ROBO2: variants seen among roughly 807,000 people sequenced by gnomAD.
ROBO2 encodes roundabout guidance receptor 2.
A neutral mutation model predicts 160.8 loss-of-function variants in ROBO2; 53 were observed. The observed-to-expected ratio is 0.33, with a 90% CI of 0.26 to 0.41. The LOEUF is 0.41. ROBO2 is among the 10% of genes least tolerant of loss of function. The probability of loss-of-function intolerance (pLI) is 1.00; values close to 1 mark genes in which losing one functional copy is unlikely to be tolerated. For synonymous variants in ROBO2, 664 were observed against 611.7 expected (o/e 1.09, Z -1.26); for missense variants, 1,577 against 1,722.4 (o/e 0.92, Z 1.49).
intron 21 of ROBO2, among the ~76,000 whole-genome samples, chr3:77,611,918 A>T (rs1420883780): frequency 6.6e-6 from 1 of 152,212 alleles, no homozygotes; most frequent in Non-Finnish European, 1.5e-5. Context: ...ATTCTATGGT[A>T]ATTAAATTGA....
chr3:75,988,893 C>T (rs2065488686), intron 2 of ROBO2, among the ~76,000 whole-genome samples: 1 of 151,602 alleles, frequency 6.6e-6, no homozygotes, highest in Admixed American at 6.6e-5. Context: ...TTTGTTATGT[C>T]AGTTCTATTT....
At chr3:77,169,814 T>C (rs1485869694) in intron 2 of ROBO2, among the ~76,000 whole-genome samples, 1 of 151,970 alleles carries the variant, frequency 6.6e-6, no homozygotes, top group Admixed American at 6.6e-5. Flanking sequence ...TTCCATAGGG[T>C]TGGGGATTAC....
intron 2 of ROBO2, among the ~76,000 whole-genome samples, chr3:76,274,776 G>T (rs1707820797): frequency 6.6e-6 from 1 of 150,838 alleles, no homozygotes; most frequent in Non-Finnish European, 1.5e-5. Context: ...GGCAGAGGTT[G>T]CAGTGAGCTG....
chr3:76,418,408 TTG>T (rs2108899141), intron 2 of ROBO2, among the ~76,000 whole-genome samples: 1 of 151,092 alleles, frequency 6.6e-6, no homozygotes, highest in Non-Finnish European at 1.5e-5. Context: ...ATCCAGCTAA[TTG>T]TTGTATTTTT....
intron 2 of ROBO2, among the ~76,000 whole-genome samples, chr3:77,140,865 T>A (rs1214138005): frequency 1.3e-5 from 2 of 152,212 alleles, no homozygotes; most frequent in Non-Finnish European, 2.9e-5. Flanking sequence ...ACTCTTCTTT[T>A]TCTTCTTGTT....
intron 2 of ROBO2, among the ~76,000 whole-genome samples, chr3:76,684,085 A>G (rs574576543): frequency 6.6e-6 from 1 of 152,050 alleles, no homozygotes; most frequent in African/African-American, 2.4e-5. Flanking sequence ...ACATCATTAG[A>G]AAGAGAAGAG....
chr3:77,514,638 T>C (rs1414144676), intron 5 of ROBO2, among the ~76,000 whole-genome samples: 1 of 151,874 alleles, frequency 6.6e-6, no homozygotes, highest in Non-Finnish European at 1.5e-5. Context: ...TGCAATTATA[T>C]GTAAAGCCCT....
intron 2 of ROBO2, among the ~76,000 whole-genome samples, chr3:76,310,097 C>T (rs187942598): frequency 5.9e-4 from 90 of 152,102 alleles, no homozygotes; most frequent in African/African-American, 2.1e-3. Flanking sequence ...GCTGGAATTA[C>T]AGATGTGAGC....
chr3:76,303,355 G>GTA (rs2071168701), intron 2 of ROBO2, among the ~76,000 whole-genome samples: 1 of 152,056 alleles, frequency 6.6e-6, no homozygotes, highest in African/African-American at 2.4e-5. Context: ...GTGTGTGTGT[G>GTA]TGTGTATATA....
intron 2 of ROBO2, among the ~76,000 whole-genome samples, chr3:76,408,973 A>G (rs185878216): frequency 1.9e-3 from 285 of 148,822 alleles, no homozygotes; most frequent in South Asian, 4.8e-3. Context: ...GAATTATAAT[A>G]CACTAGGGTG....
chr3:77,415,835 A>C (rs1292778947), intron 2 of ROBO2, among the ~76,000 whole-genome samples: 1 of 152,018 alleles, frequency 6.6e-6, no homozygotes, highest in East Asian at 1.9e-4. Flanking sequence ...ATGTTACATC[A>C]TTTCTGCTGC....
intron 2 of ROBO2, among the ~76,000 whole-genome samples, chr3:76,653,562 T>C (rs2109922601): frequency 6.6e-6 from 1 of 152,138 alleles, no homozygotes; most frequent in East Asian, 1.9e-4. Flanking sequence ...CTGATTCTTA[T>C]ATCTTACTAT....
At chr3:77,115,828 G>A (rs942016987) in intron 2 of ROBO2, among the ~76,000 whole-genome samples, 2 of 152,178 alleles carry the variant, frequency 1.3e-5, no homozygotes, top group Non-Finnish European at 2.9e-5. Flanking sequence ...TATCCAACTA[G>A]TCTTTCTTTA....
At chr3:77,429,248 A>G (rs1019597214) in intron 2 of ROBO2, among the ~76,000 whole-genome samples, 1 of 152,148 alleles carries the variant, frequency 6.6e-6, no homozygotes, top group Non-Finnish European at 1.5e-5. Flanking sequence ...TTCTCCATTT[A>G]CTGATCCTGG....
At chr3:76,984,077 C>G (rs550714427) in intron 2 of ROBO2, among the ~76,000 whole-genome samples, 2 of 152,230 alleles carry the variant, frequency 1.3e-5, no homozygotes, top group South Asian at 4.1e-4. Flanking sequence ...ATGAGACTCA[C>G]TCACCATCAC....
chr3:76,361,520 T>G (rs1373576681), intron 2 of ROBO2, among the ~76,000 whole-genome samples: 1 of 152,094 alleles, frequency 6.6e-6, no homozygotes, highest in Non-Finnish European at 1.5e-5. Context: ...GCAGAATGTA[T>G]TTTTTGAGAG....
At chr3:76,113,181 CTTATGTAATTATTCTTCA>C (rs890653610) in intron 2 of ROBO2, among the ~76,000 whole-genome samples, 2 of 152,000 alleles carry the variant, frequency 1.3e-5, no homozygotes, top group African/African-American at 4.8e-5. Flanking sequence ...TCATTAAAGA[CTTATGTAATTATTCTTCA>C]TTATATCTAA....
chr3:77,082,946 A>G (rs781004319), intron 1 of ROBO2, among the ~76,000 whole-genome samples: 1 of 152,122 alleles, frequency 6.6e-6, no homozygotes, highest in Non-Finnish European at 1.5e-5. Context: ...CAGCCAGATT[A>G]TATCAGTGCC....
chr3:75,929,172 CGTGTGTGTGTGTGTGTGTGTGT>C (rs35861088), intron 1 of ROBO2, among the ~76,000 whole-genome samples: 3 of 113,604 alleles, frequency 2.6e-5, no homozygotes, highest in Non-Finnish European at 5.1e-5. Context: ...CTGGATAAGA[CGTGTGTGTGTGTGTGTGTGTGT>C]GTGTGTGTGT....
Sources: gnomAD v4.1 joint callset for allele counts (sites outside exome capture counted in the v4.1 genomes callset) on GRCh38, gnomAD v4.1.1 for gene constraint, MANE v1.5 for transcripts, NCBI Gene and HGNC (gene_info 2026-07-23, HGNC 2026-07-21) for gene names.